The following ATP8A1 variants were observed in gnomAD, a reference collection of about 807,000 sequenced individuals.
ATP8A1 encodes the protein phospholipid-transporting ATPase IA.
ATP8A1 carries 90 observed loss-of-function variants against 177.7 expected under a neutral mutation model. The observed-to-expected ratio is 0.51, with a 90% CI of 0.43 to 0.60. The LOEUF (loss-of-function observed/expected upper bound fraction) is 0.60, where lower values mean the gene tolerates loss of function less well. ATP8A1 is among the 20% of genes least tolerant of loss of function. ATP8A1 has a pLI of 0.00. For synonymous variants in ATP8A1, 493 were observed against 485.9 expected, an observed-to-expected ratio of 1.01 and a Z score of -0.19; for missense variants, 1,072 against 1,392.8, an observed-to-expected ratio of 0.77 and a Z score of 3.67.
chr4:42,509,643 G>A (rs1724792022), intron 22 of ATP8A1, among the ~76,000 whole-genome samples: 1 of 152,052 alleles, frequency 6.6e-6, no homozygotes, highest in South Asian at 2.1e-4. Flanking sequence ...GGTGGATCAC[G>A]AGATCGAGAC....
chr4:42,472,085 T>C, intron 25 of ATP8A1: 3 of 712,510 alleles, frequency 4.2e-6, no homozygotes, highest in Non-Finnish European at 8.0e-6. Flanking sequence ...GGAAGCATGC[T>C]GTCTTTATTG....
chr4:42,576,897 T>C (rs1235984374), intron 12 of ATP8A1, among the ~76,000 whole-genome samples: 1 of 152,202 alleles, frequency 6.6e-6, no homozygotes, highest in African/African-American at 2.4e-5. Flanking sequence ...ATTGGCATGA[T>C]AGCTGAGTTC....
At chr4:42,587,538 C>G in intron 8 of ATP8A1, among the ~76,000 whole-genome samples, 1 of 151,650 alleles carries the variant, frequency 6.6e-6, no homozygotes. Context: ...GAACTCCTGA[C>G]CTCGTGATCC....
At chr4:42,567,444 C>T (rs1388505980) in intron 15 of ATP8A1, among the ~76,000 whole-genome samples, 1 of 152,118 alleles carries the variant, frequency 6.6e-6, no homozygotes, top group Non-Finnish European at 1.5e-5. Flanking sequence ...GAGGCTGAGG[C>T]AGGAGAATCA....
intron 4 of ATP8A1, among the ~76,000 whole-genome samples, chr4:42,623,878 A>C (rs11938434): frequency 0.25 from 38,070 of 151,570 alleles, 5,278 homozygotes; most frequent in Non-Finnish European, 0.32. Flanking sequence ...CTCTCTCTCT[A>C]TATATATATG....
rs542119614 is a variant in ATP8A1, at chr4:42,642,595, A to T, written c.49+14230T>A. On this transcript the variant is annotated intron_variant, in intron 1 of 36. Transcript: ENST00000381668. ...TGCTCAGTGACATTAAAGCAATGACACCTACACATGTGTGAGATTGCCGCA... is the reference window on the plus strand; with the variant it reads ...TGCTCAGTGACATTAAAGCAATGACTCCTACACATGTGTGAGATTGCCGCA... Among the ~76,000 whole-genome samples the T allele has an allele frequency of 3.3e-4, 51 of 152,284 alleles. 1 individual carries two copies. In the South Asian group the frequency reaches 9.7e-3, roughly 29 times the overall value.
intron 25 of ATP8A1, among the ~76,000 whole-genome samples, chr4:42,481,278 C>T (rs1424794649): frequency 6.6e-6 from 1 of 152,168 alleles, no homozygotes; most frequent in African/African-American, 2.4e-5. Flanking sequence ...GGTCCTCTGG[C>T]CCAGCAGCTT....
chr4:42,593,712 T>C (rs185616974), intron 6 of ATP8A1, among the ~76,000 whole-genome samples: 39 of 152,150 alleles, frequency 2.6e-4, no homozygotes, highest in African/African-American at 7.9e-4. Context: ...CTTTAAAGAG[T>C]AACAGTGCCA....
intron 35 of ATP8A1, among the ~76,000 whole-genome samples, chr4:42,416,485 C>T (rs373259020): frequency 1.1e-4 from 16 of 152,070 alleles, no homozygotes; most frequent in African/African-American, 3.6e-4. Flanking sequence ...CATAAGGTAA[C>T]ATAATTCCGT....
chr4:42,524,263 T>C (rs774678467), intron 21 of ATP8A1, among the ~76,000 whole-genome samples: 8 of 152,220 alleles, frequency 5.3e-5, no homozygotes, highest in Non-Finnish European at 8.8e-5. Flanking sequence ...TGGCGTGTGG[T>C]AGGGGCTCTC....
intron 20 of ATP8A1, among the ~76,000 whole-genome samples, chr4:42,530,198 C>T (rs983565689): frequency 3.3e-5 from 5 of 152,202 alleles, no homozygotes; most frequent in African/African-American, 1.2e-4. Context: ...CGCATGGGCT[C>T]AGCAACATGG....
intron 4 of ATP8A1, 147 bp downstream of exon 4, chr4:42,624,389 G>A: frequency 4.6e-6 from 2 of 433,314 alleles, no homozygotes; most frequent in Non-Finnish European, 8.2e-6. Flanking sequence ...CAACTTCAGG[G>A]ATAGGAACAT....
At chr4:42,613,919 A>G (rs1039504482) in intron 5 of ATP8A1, among the ~76,000 whole-genome samples, 2 of 151,540 alleles carry the variant, frequency 1.3e-5, no homozygotes, top group African/African-American at 4.9e-5. Flanking sequence ...TTGATCTTCA[A>G]TTGGTTGAAT....
At chr4:42,552,984 T>TCAAAA (rs896147050) in intron 16 of ATP8A1, among the ~76,000 whole-genome samples, 4 of 152,140 alleles carry the variant, frequency 2.6e-5, no homozygotes, top group Admixed American at 6.5e-5. Context: ...AGACTCCGTC[T>TCAAAA]CAAAACAAAA....
intron 1 of ATP8A1, among the ~76,000 whole-genome samples, chr4:42,656,212 C>G (rs1256085278): frequency 1.3e-5 from 2 of 152,184 alleles, no homozygotes; most frequent in African/African-American, 4.8e-5. Context: ...GCTGAAAAGT[C>G]AGCTCAGCTG....
intron 20 of ATP8A1, among the ~76,000 whole-genome samples, chr4:42,525,518 C>T (rs187735406): frequency 6.6e-6 from 1 of 152,270 alleles, no homozygotes; most frequent in Admixed American, 6.5e-5. Context: ...GTCACTTTAG[C>T]TTTAAGACTC....
chr4:42,580,881 G>A (rs1197888797), intron 10 of ATP8A1, among the ~76,000 whole-genome samples: 1 of 152,102 alleles, frequency 6.6e-6, no homozygotes, highest in Non-Finnish European at 1.5e-5. Context: ...ACATATAAAT[G>A]CTATGAAAAA....
chr4:42,428,710 A>G (rs768514516), intron 33 of ATP8A1, among the ~76,000 whole-genome samples: 5 of 152,148 alleles, frequency 3.3e-5, no homozygotes, highest in Non-Finnish European at 7.3e-5. Flanking sequence ...CAAAATCTTT[A>G]ATACAATTTC....
At chr4:42,637,633 A>G (rs1739528134) in intron 1 of ATP8A1, among the ~76,000 whole-genome samples, 1 of 152,218 alleles carries the variant, frequency 6.6e-6, no homozygotes, top group Admixed American at 6.5e-5. Context: ...TGAGCACCAA[A>G]GGCAAGACAA....
Sources: allele counts gnomAD v4.1 joint callset (sites outside exome capture counted in the v4.1 genomes callset), GRCh38; gene constraint gnomAD v4.1.1; transcripts MANE v1.5; gene names NCBI Gene and HGNC (gene_info 2026-07-23, HGNC 2026-07-21).